The following POU2F1 variants were observed in gnomAD, a reference collection of about 807,000 sequenced individuals.
POU2F1 encodes POU class 2 homeobox 1, also known as POU domain, class 2, transcription factor 1.
A neutral mutation model predicts 84.9 loss-of-function variants in POU2F1; 16 were observed. The ratio of observed to expected loss-of-function variants is 0.19; its 90% CI spans 0.13 to 0.29. The LOEUF (loss-of-function observed/expected upper bound fraction) is 0.29, where lower values mean the gene tolerates loss of function less well. POU2F1 is among the 10% of genes least tolerant of loss of function. The pLI is 1.00. For synonymous variants in POU2F1, 368 were observed against 368.3 expected, an observed-to-expected ratio of 1.00 and a Z score of 0.01; for missense variants, 738 against 942.6, an observed-to-expected ratio of 0.78 and a Z score of 2.84.
intron 1 of POU2F1, among the ~76,000 whole-genome samples, chr1:167,256,597 A>G (rs889733116): frequency 6.6e-6 from 1 of 152,238 alleles, no homozygotes; most frequent in African/African-American, 2.4e-5. Context: ...TGCAGCTGAG[A>G]GTAGAATTCA....
chr1:167,354,377 G>A (rs915173477), intron 2 of POU2F1, among the ~76,000 whole-genome samples: 2 of 151,948 alleles, frequency 1.3e-5, no homozygotes, highest in East Asian at 1.9e-4. Flanking sequence ...CTGCAACCTC[G>A]GCCTCCCGGG....
At position 167,220,965 on chromosome 1, in the gene POU2F1, A is replaced by T. The variant is rs1393268275; in HGVS notation, c.61+7A>T. ...GCGGCGGCAGCAGCAGCAGGTAATC[A>T]TTACAGCATTTTACATATTCATATT... On this transcript the variant is annotated splice_region_variant and intron_variant, in intron 1 of 15. Coordinates refer to ENST00000367866, the MANE Select transcript of POU2F1 (RefSeq NM_002697.4). 17 of 1,534,548 alleles carry T rather than the reference A, an allele frequency of 1.1e-5. No individual in the cohort carries two copies. Among genetic ancestry groups the T allele is most frequent in the Non-Finnish European group, 1.5e-5 (17 of 1,146,236 alleles).
intron 2 of POU2F1, among the ~76,000 whole-genome samples, chr1:167,363,615 A>G (rs996884729): frequency 6.6e-6 from 1 of 152,208 alleles, no homozygotes; most frequent in African/African-American, 2.4e-5. Flanking sequence ...TTCTAATTAC[A>G]TTTTATTTTC....
At chr1:167,413,831 C>A (rs1420022638) in intron 15 of POU2F1, among the ~76,000 whole-genome samples, 1 of 152,036 alleles carries the variant, frequency 6.6e-6, no homozygotes, top group Non-Finnish European at 1.5e-5. Context: ...AGAGACATCA[C>A]TAATTAATTA....
intron 1 of POU2F1, among the ~76,000 whole-genome samples, chr1:167,254,104 T>C (rs1009212509): frequency 6.6e-6 from 1 of 152,240 alleles, no homozygotes; most frequent in Non-Finnish European, 1.5e-5. Context: ...TTTTCTTTTT[T>C]AAAGCCTGTT....
chr1:167,329,929 A>G lies in POU2F1; in HGVS notation c.62-2541A>G, dbSNP rs140695154. Among the ~76,000 whole-genome samples the G allele has an allele frequency of 8.1e-3, 1,238 of 152,306 alleles. 14 individuals are homozygous for G. Among genetic ancestry groups the G allele is most frequent in the African/African-American group, 0.026 (1,095 of 41,568 alleles). ...ATATACTCTAGATAACTACAACTTT[A>G]AATGTTGGAAAACCTTTTTAGAGTT... On this transcript the variant is annotated intron_variant, in intron 1 of 15. Coordinates refer to ENST00000367866, the MANE Select transcript of POU2F1 (RefSeq NM_002697.4).
rs188498308 is a variant in POU2F1, at chr1:167,322,614, G to A, written c.62-9856G>A. Reference sequence around the variant, plus strand: ...TGCCCCGGTTTGGGCGCTACTTGCCGAGACCAGGTCGGTCATGGAGACCCT... The same window carrying A: ...TGCCCCGGTTTGGGCGCTACTTGCCAAGACCAGGTCGGTCATGGAGACCCT... On this transcript the variant is annotated intron_variant, in intron 1 of 15. Coordinates refer to ENST00000367866, the MANE Select transcript of POU2F1 (RefSeq NM_002697.4). Among the ~76,000 whole-genome samples the A allele has an allele frequency of 4.9e-3, 746 of 152,348 alleles. 2 individuals carry two copies. Among genetic ancestry groups the A allele is most frequent in the South Asian group, 0.013 (63 of 4,832 alleles).
intron 1 of POU2F1, among the ~76,000 whole-genome samples, chr1:167,301,205 C>T (rs191328648): frequency 3.0e-4 from 45 of 152,054 alleles, no homozygotes; most frequent in African/African-American, 1.0e-3. Context: ...CTGAATGTTA[C>T]CTATTACATT....
At chr1:167,336,663 A>G (rs1219086137) in intron 2 of POU2F1, among the ~76,000 whole-genome samples, 2 of 152,202 alleles carry the variant, frequency 1.3e-5, no homozygotes, top group Non-Finnish European at 1.5e-5. Flanking sequence ...AAGGAAATTC[A>G]TGAAGCCTTC....
At chr1:167,392,352 CT>C (rs1648482520) in intron 9 of POU2F1, among the ~76,000 whole-genome samples, 1 of 134,174 alleles carries the variant, frequency 7.5e-6, no homozygotes, top group African/African-American at 2.7e-5. Context: ...CAGACTCTGT[CT>C]CAAAAAAAAA....
Position 167,415,932 on chromosome 1 carries a change from G to T in POU2F1, c.*122G>T. 1.3e-4 allele frequency: 71 copies of T among 531,258 alleles called. No individual in the cohort carries two copies. Among genetic ancestry groups the T allele is most frequent in the East Asian group, 4.3e-4 (8 of 18,708 alleles). 32.9% of individuals were successfully genotyped at this position (531,258 alleles called of 1,614,324 possible). A position where few individuals can be genotyped will look rare whatever the true frequency, so the allele number is the denominator to read the frequency against. On this transcript the variant is annotated 3_prime_UTR_variant, in exon 16 of 16. Transcript: ENST00000367866. ...CTCGCCGTGTTGTGAGGGCAAAGGA[G>T]AGAAGGGAGAAAAAAAAAAAAAAAC... is the stretch of plus-strand genomic sequence containing the variant.
At chr1:167,407,295 G>A (rs969440770) in intron 13 of POU2F1, among the ~76,000 whole-genome samples, 1 of 152,170 alleles carries the variant, frequency 6.6e-6, no homozygotes, top group Non-Finnish European at 1.5e-5. Context: ...CTCCCAAAGT[G>A]CTGGGATTAC....
At chr1:167,329,110 A>G (rs192995765) in intron 1 of POU2F1, 1 of 1,324,140 alleles carries the variant, frequency 7.6e-7, no homozygotes, top group Non-Finnish European at 9.8e-7. Context: ...CAGAAGTTGT[A>G]TTTTGCTTTT....
At chr1:167,315,086 T>G (rs1655790929) in intron 1 of POU2F1, among the ~76,000 whole-genome samples, 1 of 152,096 alleles carries the variant, frequency 6.6e-6, no homozygotes, top group Admixed American at 6.6e-5. Flanking sequence ...TCCTGAGATC[T>G]CCCCAAAAGC....
Position 167,399,167 on chromosome 1 carries a change from A to G in POU2F1, c.1270-19A>G, listed in dbSNP as rs1411244683. ...ATTGCAAAGGATAGCTTTTGGAATTACATCTTTTCACCCTGCAGAATCAAA... is the reference window on the plus strand; with the variant it reads ...ATTGCAAAGGATAGCTTTTGGAATTGCATCTTTTCACCCTGCAGAATCAAA... On this transcript the variant is annotated intron_variant, in intron 11 of 15. Coordinates refer to ENST00000367866, the MANE Select transcript of POU2F1 (RefSeq NM_002697.4). 1 of 1,582,550 alleles carries G rather than the reference A, an allele frequency of 6.3e-7. No homozygotes were observed. The highest frequency in any genetic ancestry group is 1.8e-5 in the Admixed American group (1 of 56,194).
intron 1 of POU2F1, among the ~76,000 whole-genome samples, chr1:167,301,106 C>T (rs1654669162): frequency 6.6e-6 from 1 of 152,134 alleles, no homozygotes; most frequent in African/African-American, 2.4e-5. Context: ...AACCAAGGAA[C>T]TGTCATATTA....
At chr1:167,323,227 G>A (rs1656452456) in intron 1 of POU2F1, among the ~76,000 whole-genome samples, 1 of 152,194 alleles carries the variant, frequency 6.6e-6, no homozygotes, top group African/African-American at 2.4e-5. Context: ...AAACAGTATG[G>A]TAAGATAGGA....
chr1:167,376,005 C>G (rs377229542), intron 6 of POU2F1, 24 bp from the exon 7 acceptor site: 159 of 1,613,190 alleles, frequency 9.9e-5, no homozygotes, highest in South Asian at 4.5e-4. Flanking sequence ...ATCTCCAATC[C>G]ATGTTTTAAT....
At chr1:167,373,418 A>G (rs1571392331) in intron 5 of POU2F1, among the ~76,000 whole-genome samples, 1 of 152,146 alleles carries the variant, frequency 6.6e-6, no homozygotes, top group Non-Finnish European at 1.5e-5. Flanking sequence ...GGGAGTTGGG[A>G]TTCTAGGTTC....
Sources: gnomAD v4.1 joint callset for allele counts (sites outside exome capture counted in the v4.1 genomes callset) on GRCh38, gnomAD v4.1.1 for gene constraint, MANE v1.5 for transcripts, NCBI Gene and HGNC (gene_info 2026-07-23, HGNC 2026-07-21) for gene names.